The following IGSF5 variants were observed in gnomAD, a reference collection of about 807,000 sequenced individuals.
IGSF5 encodes immunoglobulin superfamily 5 like.
In IGSF5, 41 loss-of-function variants were observed where a neutral mutation model predicts 39.4. The observed-to-expected ratio is 1.04, with a 90% confidence interval of 0.81 to 1.35. The LOEUF is 1.35. Among genes scored for constraint, IGSF5 ranks in the 40% most tolerant of loss-of-function variants. IGSF5 has a pLI of 0.00. For synonymous variants in IGSF5, 183 were observed against 175.3 expected (o/e 1.04, Z -0.34); for missense variants, 487 against 494.6 (o/e 0.98, Z 0.15).
chr21:39,745,139 GTCTCTCTCTCTCTCTTCATC>G (rs1202073020), upstream of IGSF5, among the ~76,000 whole-genome samples: 2 of 145,606 alleles, frequency 1.4e-5, no homozygotes, highest in African/African-American at 2.5e-5. Flanking sequence ...CTGCCTCTCT[GTCTCTCTCTCTCTCTTCATC>G]TCTCTCTCTC....
intron 8 of IGSF5, among the ~76,000 whole-genome samples, chr21:39,797,229 T>TA (rs906943778): frequency 6.6e-6 from 1 of 150,664 alleles, no homozygotes; most frequent in Non-Finnish European, 1.5e-5. Context: ...TTTTTTTTTT[T>TA]TTTTTTTGAG....
chr21:39,775,385 C>T (rs148056317), intron 4 of IGSF5, among the ~76,000 whole-genome samples: 4 of 152,264 alleles, frequency 2.6e-5, no homozygotes, highest in East Asian at 3.9e-4. Flanking sequence ...TCTCTTGTGT[C>T]GCCTCTAGTG....
chr21:39,763,838 C>T (rs139984986), intron 2 of IGSF5, among the ~76,000 whole-genome samples: 2 of 152,196 alleles, frequency 1.3e-5, no homozygotes, highest in African/African-American at 4.8e-5. Context: ...ATGGAAAGGG[C>T]ATTGCGGCTT....
chr21:39,726,740 C>T, the IGSF5 span, among the ~76,000 whole-genome samples: 1 of 152,194 alleles, frequency 6.6e-6, no homozygotes, highest in Non-Finnish European at 1.5e-5. Flanking sequence ...TACAGATTTG[C>T]CTTTTCTGCC....
chr21:39,775,505 C>T (rs915284094), intron 4 of IGSF5, among the ~76,000 whole-genome samples: 3 of 152,168 alleles, frequency 2.0e-5, no homozygotes, highest in Admixed American at 2.0e-4. Flanking sequence ...TTAAGAAATT[C>T]TATACCTTTT....
At chr21:39,717,891 T>C in the IGSF5 span, among the ~76,000 whole-genome samples, 1 of 152,232 alleles carries the variant, frequency 6.6e-6, no homozygotes, top group Admixed American at 6.5e-5. Context: ...TCATTGGTAC[T>C]TTTATAGGAA....
At chr21:39,756,227 G>T (rs192851482) in intron 2 of IGSF5, among the ~76,000 whole-genome samples, 40 of 152,340 alleles carry the variant, frequency 2.6e-4, no homozygotes, top group African/African-American at 9.6e-4. Context: ...ATTCTTTCTC[G>T]AGGCTGTGAA....
At chr21:39,767,964 T>C (rs1054323443) in intron 3 of IGSF5, among the ~76,000 whole-genome samples, 1 of 152,236 alleles carries the variant, frequency 6.6e-6, no homozygotes, top group African/African-American at 2.4e-5. Context: ...AGGCATGGCT[T>C]ATTACTGCTG....
intron 6 of IGSF5, 147 bp downstream of exon 6, chr21:39,788,335 A>C: frequency 1.6e-6 from 1 of 628,012 alleles, no homozygotes. Context: ...AATGCTGAAA[A>C]ACACGTATGC....
intron 2 of IGSF5, among the ~76,000 whole-genome samples, chr21:39,753,106 A>G (rs1434000678): frequency 6.6e-6 from 1 of 152,104 alleles, no homozygotes; most frequent in Admixed American, 6.5e-5. Flanking sequence ...GCCATTTTCT[A>G]GAATTCTTAG....
intron 7 of IGSF5, among the ~76,000 whole-genome samples, chr21:39,793,115 C>T (rs754355113): frequency 2.0e-5 from 3 of 152,144 alleles, no homozygotes; most frequent in Non-Finnish European, 2.9e-5. Context: ...GATAATCTGA[C>T]CACAGCTTCT....
intron 3 of IGSF5, among the ~76,000 whole-genome samples, chr21:39,768,615 G>A (rs2837192): frequency 0.31 from 47,478 of 152,068 alleles, 8,006 homozygotes; most frequent in Non-Finnish European, 0.39. Context: ...GAGTTCAAGA[G>A]CTTCTGTTAT....
intron 2 of IGSF5, among the ~76,000 whole-genome samples, chr21:39,761,514 C>A (rs2146277392): frequency 6.6e-6 from 1 of 152,332 alleles, no homozygotes; most frequent in Non-Finnish European, 1.5e-5. Flanking sequence ...AACTATGCAT[C>A]TGACAAAGGT....
intron 2 of IGSF5, among the ~76,000 whole-genome samples, chr21:39,747,381 G>A (rs762164290): frequency 2.0e-5 from 3 of 152,292 alleles, no homozygotes; most frequent in East Asian, 3.9e-4. Flanking sequence ...ATTATGGGAG[G>A]ACAATTCAAG....
chr21:39,766,814 G>T (rs1412764746), intron 3 of IGSF5, among the ~76,000 whole-genome samples: 2 of 151,150 alleles, frequency 1.3e-5, no homozygotes, highest in African/African-American at 4.9e-5. Flanking sequence ...TCTTATAAGA[G>T]AATATATTAT....
intron 3 of IGSF5, among the ~76,000 whole-genome samples, chr21:39,768,564 C>T (rs867951588): frequency 2.6e-5 from 4 of 152,168 alleles, no homozygotes; most frequent in Admixed American, 6.5e-5. Flanking sequence ...AATCACACAC[C>T]AAACTCTAGA....
chr21:39,734,437 A>AACACACACAC, the IGSF5 span, among the ~76,000 whole-genome samples: 1 of 59,504 alleles, frequency 1.7e-5, no homozygotes, highest in African/African-American at 7.8e-5. Flanking sequence ...AAAAAAAAAA[A>AACACACACAC]ATACACACAC....
chr21:39,792,786 C>G (rs549491571), intron 7 of IGSF5, among the ~76,000 whole-genome samples: 5 of 152,208 alleles, frequency 3.3e-5, no homozygotes, highest in African/African-American at 1.2e-4. Context: ...GAGGGCATCT[C>G]TAAGACAACA....
At chr21:39,780,838 G>A (rs1569256233) in intron 5 of IGSF5, among the ~76,000 whole-genome samples, 3 of 152,190 alleles carry the variant, frequency 2.0e-5, no homozygotes, top group Admixed American at 1.3e-4. Flanking sequence ...CTTTCCATGT[G>A]CTGAATGTGT....
Sources: allele counts gnomAD v4.1 joint callset (sites outside exome capture counted in the v4.1 genomes callset), GRCh38; gene constraint gnomAD v4.1.1; transcripts MANE v1.5; gene names NCBI Gene and HGNC (gene_info 2026-07-23, HGNC 2026-07-21).